SBF2: variants seen among roughly 807,000 people sequenced by gnomAD.
The protein encoded by SBF2 is myotubularin-related protein 13.
A neutral mutation model predicts 225.2 loss-of-function variants in SBF2; 112 were observed. The ratio of observed to expected loss-of-function variants is 0.50; its 90% CI spans 0.43 to 0.58. The LOEUF is 0.58. Among genes scored for constraint, SBF2 ranks in the 20% least tolerant of loss-of-function variants. SBF2 has a pLI of 0.00. For missense variants in SBF2, 1,996 were observed against 2,206.2 expected (o/e 0.90, Z 1.91); for synonymous variants, 763 against 773.3 (o/e 0.99, Z 0.22).
At chr11:10,281,843 T>C (rs1279093527) in intron 1 of SBF2, among the ~76,000 whole-genome samples, 1 of 152,132 alleles carries the variant, frequency 6.6e-6, no homozygotes, top group Non-Finnish European at 1.5e-5. Flanking sequence ...AAGAAAAACA[T>C]TCTCAATCTT....
At chr11:9,942,528 G>A (rs920788065) in intron 16 of SBF2, among the ~76,000 whole-genome samples, 1 of 152,184 alleles carries the variant, frequency 6.6e-6, no homozygotes, top group African/African-American at 2.4e-5. Flanking sequence ...AAATGATATG[G>A]AAACACAAGG....
At chr11:10,284,383 C>CTTTT (rs1277919914) in intron 1 of SBF2, among the ~76,000 whole-genome samples, 44 of 152,128 alleles carry the variant, frequency 2.9e-4, no homozygotes, top group African/African-American at 1.1e-3. Context: ...AAATTCCTCC[C>CTTTT]AATTACCCTT....
intron 1 of SBF2, among the ~76,000 whole-genome samples, chr11:10,194,377 T>A (rs1957288407): frequency 6.6e-6 from 1 of 152,114 alleles, no homozygotes; most frequent in African/African-American, 2.4e-5. Flanking sequence ...TATGCATAGG[T>A]TATATGCAAA....
At chr11:10,062,984 T>C (rs1173822706) in intron 2 of SBF2, among the ~76,000 whole-genome samples, 2 of 152,108 alleles carry the variant, frequency 1.3e-5, no homozygotes, top group South Asian at 2.1e-4. Flanking sequence ...GTGGTACATA[T>C]ACACATGGAA....
intron 2 of SBF2, among the ~76,000 whole-genome samples, chr11:10,050,381 T>G (rs73410861): frequency 0.011 from 1,628 of 152,248 alleles, 32 homozygotes; most frequent in African/African-American, 0.037. Context: ...TACCTAAAAC[T>G]GTGGATAATA....
chr11:9,818,299 A>G (rs1159540246), intron 28 of SBF2, among the ~76,000 whole-genome samples: 1 of 152,232 alleles, frequency 6.6e-6, no homozygotes, highest in Non-Finnish European at 1.5e-5. Flanking sequence ...CAGAGTCTCA[A>G]TGAGATAAGA....
rs759977048 is a variant in SBF2, at chr11:10,193,934, C to A, written c.109G>T (p.Asp37Tyr). Residue 37 changes from aspartate (D) to tyrosine (Y), a missense_variant, in exon 2 of 40, where the codon GAT becomes TAT. Coordinates refer to ENST00000256190, the MANE Select transcript of SBF2 (RefSeq NM_030962.4). ...IIQRFPQKDW[D>Y]DTPFPQGIEL... ...ATTCCCTGTGGAAAAGGTGTATCAT[C>A]CCAGTCCTTCTGTGGAAATCTCTGG... 6.2e-7 allele frequency: 1 copy of A among 1,612,786 alleles called. No individual in the cohort carries two copies. The highest frequency in any genetic ancestry group is 1.1e-5 in the South Asian group (1 of 91,054).
chr11:10,042,069 A>G, intron 3 of SBF2, among the ~76,000 whole-genome samples: 1 of 152,202 alleles, frequency 6.6e-6, no homozygotes, highest in East Asian at 1.9e-4. Flanking sequence ...CAGTGTGAAT[A>G]TCTGCAGGAG....
At chr11:10,231,954 A>C (rs925040817) in intron 1 of SBF2, among the ~76,000 whole-genome samples, 60 of 152,312 alleles carry the variant, frequency 3.9e-4, no homozygotes, top group African/African-American at 1.4e-3. Context: ...GGTGGGCTCC[A>C]CCCAGTTCGA....
At chr11:9,914,239 G>A (rs1355848943) in intron 16 of SBF2, among the ~76,000 whole-genome samples, 1 of 152,188 alleles carries the variant, frequency 6.6e-6, no homozygotes, top group African/African-American at 2.4e-5. Flanking sequence ...AATATAAGTA[G>A]AAAGATGGAA....
chr11:10,150,472 T>G (rs1480148362), intron 2 of SBF2, among the ~76,000 whole-genome samples: 1 of 152,148 alleles, frequency 6.6e-6, no homozygotes, highest in African/African-American at 2.4e-5. Flanking sequence ...ATGGGATTAC[T>G]GATGGAAGAG....
intron 13 of SBF2, among the ~76,000 whole-genome samples, chr11:9,987,916 A>C (rs1426153628): frequency 6.6e-6 from 1 of 152,152 alleles, no homozygotes. Context: ...TAGAAAAAAC[A>C]ATTCTAAAAT....
chr11:10,057,963 C>T (rs763781997), intron 2 of SBF2, among the ~76,000 whole-genome samples: 2 of 151,928 alleles, frequency 1.3e-5, no homozygotes, highest in African/African-American at 2.4e-5. Flanking sequence ...AAAGACCCTA[C>T]ACAAAGTCCT....
At chr11:9,907,805 A>G (rs1199844823) in intron 16 of SBF2, among the ~76,000 whole-genome samples, 3 of 152,256 alleles carry the variant, frequency 2.0e-5, no homozygotes, top group African/African-American at 7.2e-5. Flanking sequence ...TATCACACAT[A>G]TTTGAAGTAT....
chr11:9,980,967 A>G (rs770568237), intron 13 of SBF2, among the ~76,000 whole-genome samples: 48 of 152,248 alleles, frequency 3.2e-4, no homozygotes, highest in South Asian at 4.1e-4. Context: ...TCTCTTTCAA[A>G]AAAGTATTTA....
intron 27 of SBF2, 123 bp from the exon 28 acceptor site, chr11:9,829,619 C>A: frequency 3.5e-6 from 3 of 858,524 alleles, no homozygotes; most frequent in South Asian, 3.0e-5. Context: ...CTACAAGTTA[C>A]CACACCCAAA....
At chr11:9,967,911 A>ATCTGTCTG (rs1201842155) in intron 14 of SBF2, among the ~76,000 whole-genome samples, 67 of 139,742 alleles carry the variant, frequency 4.8e-4, no homozygotes, top group South Asian at 1.9e-3. Context: ...GTGAAACTCA[A>ATCTGTCTG]TCTGTCTGTC....
rs533863193 is a variant in SBF2 at position 9,859,937 on chromosome 11, A to C, written c.1930-1541T>G. On this transcript the variant is annotated intron_variant, in intron 17 of 39. Transcript: ENST00000256190. ...ACTGGCTATAACCTCAATTCTCCCT[A>C]TTAAGTGGCTGTAAGTTGTGGCTAT... 3.3e-5 allele frequency among the ~76,000 whole-genome samples: 5 copies of C among 152,332 alleles called. No homozygotes were observed. The East Asian group carries it at 5.8e-4, about 18-fold the overall frequency.
chr11:10,189,567 C>T (rs1957075856), intron 2 of SBF2, among the ~76,000 whole-genome samples: 1 of 151,772 alleles, frequency 6.6e-6, no homozygotes, highest in Non-Finnish European at 1.5e-5. Flanking sequence ...TTCCTCTCTT[C>T]TCCTCAATCT....
Sources: allele counts gnomAD v4.1 joint callset (sites outside exome capture counted in the v4.1 genomes callset), GRCh38; gene constraint gnomAD v4.1.1; transcripts MANE v1.5; gene names NCBI Gene and HGNC (gene_info 2026-07-23, HGNC 2026-07-21).